RBFOX1: variants seen among roughly 807,000 people sequenced by gnomAD.
The protein encoded by RBFOX1 is RNA binding protein fox-1 homolog 1.
In RBFOX1, 8 loss-of-function variants were observed where a neutral mutation model predicts 57.7. That is an observed-to-expected ratio of 0.14 (90% CI 0.08 to 0.25). RBFOX1 has a LOEUF of 0.25. RBFOX1 is among the 10% of genes least tolerant of loss of function. The pLI, the probability that RBFOX1 is intolerant of heterozygous loss-of-function variation, is 1.00. For synonymous variants in RBFOX1, 326 were observed against 222.4 expected, an observed-to-expected ratio of 1.47 and a Z score of -4.15; for missense variants, 611 against 548.5, an observed-to-expected ratio of 1.11 and a Z score of -1.14.
chr16:6,685,643 A>T (rs1440387510), intron 3 of RBFOX1, among the ~76,000 whole-genome samples: 1 of 152,046 alleles, frequency 6.6e-6, no homozygotes, highest in African/African-American at 2.4e-5. Context: ...TTTGCTAGTT[A>T]CACAAAAGTC....
At chr16:6,814,043 A>C (rs2089457286) in intron 3 of RBFOX1, among the ~76,000 whole-genome samples, 1 of 150,816 alleles carries the variant, frequency 6.6e-6, no homozygotes, top group Non-Finnish European at 1.5e-5. Flanking sequence ...ATTCAAACAT[A>C]ACAACTTGTC....
chr16:6,450,838 T>C (rs1385199017), intron 2 of RBFOX1, among the ~76,000 whole-genome samples: 4 of 13,938 alleles, frequency 2.9e-4, no homozygotes, highest in African/African-American at 1.4e-3. Flanking sequence ...TATATATATG[T>C]GTATATATAT....
intron 4 of RBFOX1, among the ~76,000 whole-genome samples, chr16:7,138,504 C>T (rs1475689039): frequency 6.6e-6 from 1 of 152,184 alleles, no homozygotes; most frequent in African/African-American, 2.4e-5. Flanking sequence ...CATCTCTGCC[C>T]ACAAACTCAG....
intron 4 of RBFOX1, among the ~76,000 whole-genome samples, chr16:7,249,629 T>C (rs1411165408): frequency 6.6e-6 from 1 of 151,596 alleles, no homozygotes; most frequent in Non-Finnish European, 1.5e-5. Context: ...GTAAGAATAA[T>C]GAAAGGGCTG....
intron 3 of RBFOX1, among the ~76,000 whole-genome samples, chr16:6,835,506 C>G (rs914744671): frequency 3.3e-5 from 5 of 151,988 alleles, no homozygotes; most frequent in Non-Finnish European, 5.9e-5. Flanking sequence ...AATCCCAGCA[C>G]TTTGGGAGTC....
intron 5 of RBFOX1, among the ~76,000 whole-genome samples, chr16:7,564,814 A>C (rs1403978544): frequency 6.6e-6 from 1 of 152,118 alleles, no homozygotes; most frequent in Non-Finnish European, 1.5e-5. Context: ...TTCCCAAGGA[A>C]TAAAAATAGC....
intron 3 of RBFOX1, among the ~76,000 whole-genome samples, chr16:5,654,604 A>G (rs1219981488): frequency 6.6e-6 from 1 of 151,946 alleles, no homozygotes. Flanking sequence ...TTCGTTTCTC[A>G]TCCAGCCCCA....
chr16:5,642,854 A>T (rs2048926813), intron 3 of RBFOX1, among the ~76,000 whole-genome samples: 1 of 151,856 alleles, frequency 6.6e-6, no homozygotes, highest in African/African-American at 2.4e-5. Context: ...CTGCCTGATG[A>T]CTCTGTGGCC....
intron 2 of RBFOX1, among the ~76,000 whole-genome samples, chr16:6,560,620 T>C (rs531651260): frequency 8.5e-5 from 13 of 152,310 alleles, no homozygotes; most frequent in East Asian, 3.9e-4. Flanking sequence ...CTTGTAGGCA[T>C]TCAGGGCCTT....
rs370261044 is a variant in RBFOX1, at chr16:7,641,355, G to A, written c.757+10672G>A. 1.1e-4 allele frequency among the ~76,000 whole-genome samples: 16 copies of A among 152,224 alleles called. No homozygotes were observed. The East Asian group carries it at 1.7e-3, about 17-fold the overall frequency. On this transcript the variant is annotated intron_variant, in intron 11 of 15. Transcript: ENST00000550418. Reference sequence around the variant, plus strand: ...CATATAAACCCAGTAATGTAAACACGTGCTTCAAACACCATTTTCTTAAAT... The same window carrying A: ...CATATAAACCCAGTAATGTAAACACATGCTTCAAACACCATTTTCTTAAAT...
At chr16:6,778,600 A>G (rs558152835) in intron 3 of RBFOX1, among the ~76,000 whole-genome samples, 23 of 152,258 alleles carry the variant, frequency 1.5e-4, no homozygotes, top group African/African-American at 5.5e-4. Context: ...AATCCAAACG[A>G]GGACTATAGA....
intron 3 of RBFOX1, among the ~76,000 whole-genome samples, chr16:5,660,129 C>T: frequency 6.6e-6 from 1 of 152,164 alleles, no homozygotes; most frequent in East Asian, 1.9e-4. Flanking sequence ...GCCTTGTCTG[C>T]ATTTGGCGAG....
intron 3 of RBFOX1, among the ~76,000 whole-genome samples, chr16:5,626,862 C>A (rs1194222837): frequency 1.3e-5 from 2 of 150,322 alleles, no homozygotes; most frequent in Admixed American, 1.3e-4. Context: ...ATTTTTTTTT[C>A]TATAAGAAAG....
At chr16:7,093,035 G>T (rs369862223) in intron 4 of RBFOX1, among the ~76,000 whole-genome samples, 2 of 152,288 alleles carry the variant, frequency 1.3e-5, no homozygotes, top group South Asian at 4.1e-4. Context: ...AGAAATTTTC[G>T]TTTTTTATTC....
chr16:7,186,448 A>G (rs1413454518), intron 4 of RBFOX1, among the ~76,000 whole-genome samples: 4 of 126,958 alleles, frequency 3.2e-5, no homozygotes. Context: ...ATTTATATAA[A>G]TATAAACATA....
chr16:7,641,434 G>A (rs1009937505), intron 11 of RBFOX1, among the ~76,000 whole-genome samples: 1 of 152,148 alleles, frequency 6.6e-6, no homozygotes, highest in Non-Finnish European at 1.5e-5. Flanking sequence ...CCCTAATGGA[G>A]AACTTCGGAG....
At chr16:5,753,816 A>C (rs2053300096) in intron 3 of RBFOX1, among the ~76,000 whole-genome samples, 1 of 152,020 alleles carries the variant, frequency 6.6e-6, no homozygotes, top group African/African-American at 2.4e-5. Flanking sequence ...TCAGATCTAC[A>C]AATAAGTAGA....
rs2053839079 is a variant in RBFOX1, at chr16:5,767,779, G to C, written c.319-99524G>C. On this transcript the variant is annotated intron_variant, in intron 3 of 19. Coordinates refer to the RBFOX1 transcript ENST00000641259. ...AGACCCTCATTAGTTGCCTTTGCTG[G>C]GCCTAATACTCAGCAGTACCAAAAT... 2.6e-5 allele frequency among the ~76,000 whole-genome samples: 4 copies of C among 152,010 alleles called. No individual in the cohort carries two copies. The South Asian group carries it at 8.3e-4, about 32-fold the overall frequency.
chr16:6,582,749 CTTCTTTCCTCCCCT>C (rs2097554180), intron 2 of RBFOX1, among the ~76,000 whole-genome samples: 1 of 151,232 alleles, frequency 6.6e-6, no homozygotes, highest in Non-Finnish European at 1.5e-5. Context: ...CTCCCTTTCT[CTTCTTTCCTCCCCT>C]TTCTTTCCTT....
Sources: allele counts gnomAD v4.1 joint callset (sites outside exome capture counted in the v4.1 genomes callset), GRCh38; gene constraint gnomAD v4.1.1; transcripts MANE v1.5; gene names NCBI Gene and HGNC (gene_info 2026-07-23, HGNC 2026-07-21).